Variants in KMT2A observed in about 807,000 individuals in gnomAD.
The protein encoded by KMT2A is histone-lysine N-methyltransferase 2A.
A neutral mutation model predicts 345.3 loss-of-function variants in KMT2A; 16 were observed. The observed-to-expected ratio is 0.05, with a 90% CI of 0.03 to 0.07. KMT2A has a LOEUF of 0.07. KMT2A is among the 10% of genes least tolerant of loss of function. The pLI is 1.00. For missense variants in KMT2A, 3,272 were observed against 4,841.6 expected (o/e 0.68, Z 9.62); for synonymous variants, 1,599 against 1,778.6 (o/e 0.90, Z 2.54).
At chr11:118,459,377 A>C (rs1949704539) in intron 1 of KMT2A, among the ~76,000 whole-genome samples, 1 of 151,992 alleles carries the variant, frequency 6.6e-6, no homozygotes, top group Non-Finnish European at 1.5e-5. Flanking sequence ...CTGATTTTTC[A>C]TAAGACTAAA....
At chr11:118,467,030 T>C (rs1194809645) in intron 1 of KMT2A, among the ~76,000 whole-genome samples, 1 of 151,546 alleles carries the variant, frequency 6.6e-6, no homozygotes, top group Non-Finnish European at 1.5e-5. Flanking sequence ...AAAAAAAAAA[T>C]TACTGTAGTC....
Position 118,488,650 on chromosome 11 carries a change from A to G in KMT2A, c.4369A>G (p.Lys1457Glu), listed in dbSNP as rs201765973. 3.1e-4 allele frequency: 501 copies of G among 1,613,918 alleles called. No individual in the cohort carries two copies. Among genetic ancestry groups the G allele is most frequent in the Non-Finnish European group, 4.1e-4 (479 of 1,179,988 alleles). The stretch of plus-strand genomic sequence containing the variant: ...CCAAGTCTGTTGTGAGCCCTTCCAC[A>G]AGTTTTGTTTAGAGGAGAACGAGCG... ...YCQVCCEPFH[K>E]FCLEENERPL... Residue 1457 changes from lysine to glutamate, a missense_variant, in exon 11 of 36, where the codon AAG becomes GAG. Transcript: ENST00000534358.
chr11:118,441,991 T>G (rs1344484890), intron 1 of KMT2A, among the ~76,000 whole-genome samples: 4 of 152,196 alleles, frequency 2.6e-5, no homozygotes, highest in Non-Finnish European at 4.4e-5. Flanking sequence ...CAACAGTGCT[T>G]TGCTTGCTCA....
intron 3 of KMT2A, among the ~76,000 whole-genome samples, chr11:118,474,977 A>G (rs1565281508): frequency 6.6e-6 from 1 of 152,006 alleles, no homozygotes; most frequent in African/African-American, 2.4e-5. Flanking sequence ...TAAAAAAAAA[A>G]AAAAAATTAG....
intron 27 of KMT2A, among the ~76,000 whole-genome samples, chr11:118,507,273 G>A (rs1950600816): frequency 6.6e-6 from 1 of 152,146 alleles, no homozygotes; most frequent in Non-Finnish European, 1.5e-5. Flanking sequence ...CTCCAGCCTA[G>A]GTGGAGTGCA....
rs1403457092 is a variant in KMT2A at position 118,472,669 on chromosome 11, A to T, written c.1510A>T (p.Ser504Cys). The change falls in exon 3 of 36, where the codon AGC (serine) becomes TGC (cysteine). Residue 504 changes from serine to cysteine, a missense_variant. Ser to Cys is a moderately radical substitution (Grantham distance 112). This residue lies in a region of KMT2A where 180 missense variants were observed against 190.7 expected (regional missense o/e 0.94). Transcript: ENST00000534358. ...GATTCAGGTACTTCCTGAGGAGCGG[A>T]GCGATACCCCTGAAGTTCATCCTCC... ...EEIQVLPEER[S>C]DTPEVHPPLP... The T allele has an allele frequency of 5.6e-6, 9 of 1,612,924 alleles. No individual in the cohort carries two copies. Among genetic ancestry groups the T allele is most frequent in the Non-Finnish European group, 7.6e-6 (9 of 1,179,840 alleles).
Position 118,503,151 on chromosome 11 carries a change from A to G in KMT2A, c.7259A>G (p.His2420Arg). 6.2e-7 allele frequency: 1 copy of G among 1,614,012 alleles called. No homozygotes were observed. Among genetic ancestry groups the G allele is most frequent in the Non-Finnish European group, 8.5e-7 (1 of 1,180,010 alleles). The change falls in exon 27 of 36, where the codon CAT becomes CGT. Residue 2420 changes from histidine (H) to arginine (R), a missense_variant. This residue lies in a region of KMT2A where 445 missense variants were observed against 500.9 expected (regional missense o/e 0.89). Coordinates refer to ENST00000534358, the MANE Select transcript of KMT2A (RefSeq NM_001197104.2). The surrounding 1 kb of genome is among the most constrained non-coding windows in gnomAD (Gnocchi z 5.3). ...AACAGATCATCCATTATCAACGAAC[A>G]TATGGGATCTAGTTCCAGAGATAGG... ...MSNRSSIINE[H>R]MGSSSRDRRQ...
In KMT2A at chr11:118,498,103, G is replaced by A. The variant is rs1950439023; in HGVS notation, c.5802+30G>A. 1 of 1,606,922 alleles carries A rather than the reference G, an allele frequency of 6.2e-7. No individual in the cohort carries two copies. The highest frequency in any genetic ancestry group is 8.5e-7 in the Non-Finnish European group (1 of 1,175,800). On this transcript the variant is annotated intron_variant, in intron 21 of 35. Transcript: ENST00000534358. The surrounding 1 kb of genome is among the most constrained non-coding windows in gnomAD (Gnocchi z 4.4). ...GACCTTATGGGTAAATTTTATGAAA[G>A]AGATTCCCTCTCAGTTTCCAGATAT...
intron 10 of KMT2A, among the ~76,000 whole-genome samples, chr11:118,486,684 G>C (rs1027927868): frequency 2.0e-5 from 3 of 151,894 alleles, no homozygotes; most frequent in Non-Finnish European, 4.4e-5. Context: ...ACCAGCCTGA[G>C]CACCATAGTG....
rs372503677 is a variant in KMT2A at position 118,489,778 on chromosome 11, A to G, written c.4480-14A>G. Reference sequence around the variant, plus strand: ...ATATGATGCTTATCTTTTTGCCATTATATTTTCTTACAGCAGCTGCTGGAG... The same window carrying G: ...ATATGATGCTTATCTTTTTGCCATTGTATTTTCTTACAGCAGCTGCTGGAG... On this transcript the variant is annotated splice_polypyrimidine_tract_variant and intron_variant, in intron 11 of 35. Transcript: ENST00000534358. 7 of 1,611,908 alleles carry G rather than the reference A, an allele frequency of 4.3e-6. No individual in the cohort carries two copies. The African/African-American group carries it at 6.7e-5, about 15-fold the overall frequency.
At chr11:118,444,426 T>A (rs1949375676) in intron 1 of KMT2A, among the ~76,000 whole-genome samples, 1 of 152,202 alleles carries the variant, frequency 6.6e-6, no homozygotes, top group African/African-American at 2.4e-5. Context: ...TAAATACCTT[T>A]ACAGAAGAAA....
chr11:118,464,156 A>G (rs781967539), intron 1 of KMT2A, among the ~76,000 whole-genome samples: 6 of 152,256 alleles, frequency 3.9e-5, no homozygotes, highest in Non-Finnish European at 7.3e-5. Context: ...TCATGCCGTA[A>G]TTGAAGAGGA....
chr11:118,458,904 C>T (rs1276180266), intron 1 of KMT2A, among the ~76,000 whole-genome samples: 1 of 152,080 alleles, frequency 6.6e-6, no homozygotes, highest in Non-Finnish European at 1.5e-5. Context: ...CTGTGGCCTC[C>T]TCATTTGATG....
At chr11:118,479,485 A>C (rs1950094987) in intron 5 of KMT2A, among the ~76,000 whole-genome samples, 1 of 152,256 alleles carries the variant, frequency 6.6e-6, no homozygotes, top group African/African-American at 2.4e-5. Context: ...GAGAAATGCT[A>C]CATTATTTAC....
intron 1 of KMT2A, among the ~76,000 whole-genome samples, chr11:118,464,554 A>C (rs1555033663): frequency 2.0e-5 from 3 of 152,106 alleles, no homozygotes; most frequent in African/African-American, 7.2e-5. Context: ...AAAAAAAAAA[A>C]AAACCTAAAG....
At position 118,519,683 on chromosome 11, in the gene KMT2A, T is replaced by A. The variant is rs1555052828; in HGVS notation, c.11212T>A (p.Ser3738Thr). Reference sequence around the variant, plus strand: ...AGTTGTGTTCCTCATTGAGCAGCTGTCTGGTGCCAAGCACTGTCGAAATTA... The same window carrying A: ...AGTTGTGTTCCTCATTGAGCAGCTGACTGGTGCCAAGCACTGTCGAAATTA... ...DAVVFLIEQLSGAKHCRNYKF... is the reference protein window; with the variant it reads ...DAVVFLIEQLTGAKHCRNYKF... The change falls in exon 32 of 36, where the codon TCT becomes ACT. Residue 3738 changes from serine to threonine, a missense_variant. Coordinates refer to ENST00000534358, the MANE Select transcript of KMT2A (RefSeq NM_001197104.2). The A allele has an allele frequency of 6.2e-7, 1 of 1,614,180 alleles. No individual in the cohort carries two copies. Among genetic ancestry groups the A allele is most frequent in the East Asian group, 2.2e-5 (1 of 44,878 alleles).
At chr11:118,443,438 C>T (rs1178931091) in intron 1 of KMT2A, among the ~76,000 whole-genome samples, 2 of 152,164 alleles carry the variant, frequency 1.3e-5, no homozygotes, top group African/African-American at 2.4e-5. Context: ...GGAAGCCAAC[C>T]ATGAGACTGT....
At position 118,520,252 on chromosome 11, in the gene KMT2A, A is replaced by G; in HGVS notation, c.11429+188A>G. 1.7e-6 allele frequency: 1 copy of G among 574,008 alleles called. No homozygotes were observed. The highest frequency in any genetic ancestry group is 3.3e-5 in the Admixed American group (1 of 30,762). 35.6% of individuals were successfully genotyped at this position (574,008 alleles called of 1,614,324 possible). A position where few individuals can be genotyped will look rare whatever the true frequency, so the allele number is the denominator to read the frequency against. On this transcript the variant is annotated intron_variant, in intron 33 of 35. Coordinates refer to ENST00000534358, the MANE Select transcript of KMT2A (RefSeq NM_001197104.2). This position sits in a 1 kb window ranked among gnomAD's most constrained non-coding sequence, Gnocchi z 4.3. Reference sequence around the variant, plus strand: ...GAGGAATATAAGGTACAGAGGAGAAATTCAAAGAACTGTAAGATGCCTGTT... The same window carrying G: ...GAGGAATATAAGGTACAGAGGAGAAGTTCAAAGAACTGTAAGATGCCTGTT...
chr11:118,512,120 T>G, intron 31 of KMT2A, 95 bp downstream of exon 31: 1 of 1,151,992 alleles, frequency 8.7e-7, no homozygotes, highest in East Asian at 2.4e-5. Flanking sequence ...AAAAATCAGT[T>G]AAAAATTTTT....
Sources: gnomAD v4.1 joint callset for allele counts (sites outside exome capture counted in the v4.1 genomes callset) on GRCh38, gnomAD v4.1.1 for gene constraint, gnomAD v4.1.1 regional missense constraint, Gnocchi (gnomAD v3.1) non-coding constraint, MANE v1.5 for transcripts, NCBI Gene and HGNC (gene_info 2026-07-23, HGNC 2026-07-21) for gene names.